PKIB: variants seen among roughly 807,000 people sequenced by gnomAD.
PKIB encodes cAMP-dependent protein kinase inhibitor beta.
PKIB carries 2 observed loss-of-function variants against 4.5 expected under a neutral mutation model. The observed-to-expected ratio is 0.44, with a 90% CI of 0.18 to 1.39. The LOEUF is 1.39. Ranked by LOEUF, PKIB falls within the 40% of genes most tolerant of loss-of-function variation. PKIB has a pLI of 0.27. For missense variants in PKIB, 94 were observed against 92.6 expected, an observed-to-expected ratio of 1.02 and a Z score of -0.06; for synonymous variants, 38 against 36.0, an observed-to-expected ratio of 1.06 and a Z score of -0.20.
At chr6:122,673,804 G>GC (rs1777558599) in intron 2 of PKIB, among the ~76,000 whole-genome samples, 1 of 152,194 alleles carries the variant, frequency 6.6e-6, no homozygotes, top group South Asian at 2.1e-4. Context: ...AAAAAAATGT[G>GC]TTTGCAGCAG....
chr6:122,585,168 G>A lies in PKIB; in HGVS notation c.-247-753G>A, dbSNP rs547623152. Among the ~76,000 whole-genome samples the A allele has an allele frequency of 3.7e-4, 57 of 152,208 alleles. 1 individual carries two copies. The South Asian group carries it at 9.7e-3, about 26-fold the overall frequency. ...AGCACCTCCGCTGCTGCTGTATGCT[G>A]TCACTTCAATAAAAGTTGATGTCTA... On this transcript the variant is annotated intron_variant, in intron 2 of 6. Transcript: ENST00000392491.
In PKIB at chr6:122,490,570, G is replaced by T. The variant is rs149988931; in HGVS notation, c.-248+12631G>T. On this transcript the variant is annotated intron_variant, in intron 2 of 6. Coordinates refer to the PKIB transcript ENST00000392491. ...TCCTTTCAGTTCACACAGAGATCTG[G>T]TTGTTTTGAATCTGGGACCTCTCCC... 1.1e-3 allele frequency among the ~76,000 whole-genome samples: 160 copies of T among 152,126 alleles called. 1 individual carries two copies. The Middle Eastern group carries it at 0.017, about 16-fold the overall frequency.
rs61025863 is a variant in PKIB at position 122,551,874 on chromosome 6, CTTTTTTTT to C, written c.-247-34029_-247-34022del. On this transcript the variant is annotated intron_variant, in intron 2 of 6. Coordinates refer to the PKIB transcript ENST00000392491. ...GGAAGGAATCTTTGACTTAGTACAT[CTTTTTTTT>C]TTTTTTTTTTTTTTTTTACAACAAA... Among the ~76,000 whole-genome samples the C allele has an allele frequency of 8.0e-5, 7 of 87,514 alleles. 1 individual carries two copies. The highest frequency in any genetic ancestry group is 2.1e-4 in the African/African-American group (5 of 23,518). The allele number at this position is 87,514 out of a possible 152,430, so 57.4% of individuals were successfully genotyped here. A position where few individuals can be genotyped will look rare whatever the true frequency, so the allele number is the denominator to read the frequency against.
At chr6:122,661,473 C>T (rs951861066) in intron 2 of PKIB, among the ~76,000 whole-genome samples, 2 of 152,214 alleles carry the variant, frequency 1.3e-5, no homozygotes, top group African/African-American at 4.8e-5. Flanking sequence ...TGGTTCCTCT[C>T]ATTTAGCATA....
intron 2 of PKIB, among the ~76,000 whole-genome samples, chr6:122,507,875 ATGT>A (rs369777181): frequency 0.012 from 1,899 of 152,028 alleles, 44 homozygotes; most frequent in African/African-American, 0.044. Flanking sequence ...GTCCTGTTAA[ATGT>A]TGTTTAGTTG....
At chr6:122,542,150 A>T (rs1361885463) in intron 2 of PKIB, among the ~76,000 whole-genome samples, 5 of 151,832 alleles carry the variant, frequency 3.3e-5, no homozygotes, top group African/African-American at 1.2e-4. Flanking sequence ...AGCTCAGAGT[A>T]GTTTGATTGT....
chr6:122,509,028 C>A (rs956000819), intron 2 of PKIB, among the ~76,000 whole-genome samples: 1 of 152,080 alleles, frequency 6.6e-6, no homozygotes. Flanking sequence ...GGATTACAGG[C>A]GTGAGCCACC....
intron 2 of PKIB, among the ~76,000 whole-genome samples, chr6:122,641,372 C>T (rs1582767219): frequency 1.3e-5 from 2 of 151,926 alleles, no homozygotes; most frequent in Non-Finnish European, 1.5e-5. Flanking sequence ...GATAGCAGAA[C>T]GTTATTGCTA....
At chr6:122,638,535 C>T (rs1344737241) in intron 2 of PKIB, among the ~76,000 whole-genome samples, 2 of 152,212 alleles carry the variant, frequency 1.3e-5, no homozygotes, top group African/African-American at 4.8e-5. Context: ...CTAGCAGTCT[C>T]TCAGCTGACA....
At chr6:122,521,286 C>T (rs768428968) in intron 2 of PKIB, among the ~76,000 whole-genome samples, 13 of 152,272 alleles carry the variant, frequency 8.5e-5, no homozygotes, top group Middle Eastern at 3.4e-3. Context: ...CTTGGTCCAA[C>T]CACTGAGTTT....
At chr6:122,602,496 G>T (rs1774400322) in intron 3 of PKIB, among the ~76,000 whole-genome samples, 1 of 152,136 alleles carries the variant, frequency 6.6e-6, no homozygotes, top group South Asian at 2.1e-4. Context: ...TACAACTTTT[G>T]TTGTTATTTA....
chr6:122,566,305 C>A (rs1428697689), intron 2 of PKIB, among the ~76,000 whole-genome samples: 1 of 152,122 alleles, frequency 6.6e-6, no homozygotes, highest in African/African-American at 2.4e-5. Context: ...TATAGTCTGA[C>A]CACAGTTCCA....
chr6:122,475,762 G>A (rs778542672), intron 1 of PKIB, among the ~76,000 whole-genome samples: 3 of 152,010 alleles, frequency 2.0e-5, no homozygotes, highest in Non-Finnish European at 4.4e-5. Context: ...CTCCAGCCTG[G>A]GTGACAGAGT....
chr6:122,704,076 A>G (rs943302616), intron 3 of PKIB, among the ~76,000 whole-genome samples: 1 of 151,944 alleles, frequency 6.6e-6, no homozygotes, highest in Non-Finnish European at 1.5e-5. Context: ...TTCAAGTCTG[A>G]TAACCGGGAG....
At chr6:122,482,626 C>A (rs1775656432) in intron 2 of PKIB, 1 of 145,664 alleles carries the variant, frequency 6.9e-6, no homozygotes. Flanking sequence ...TCTCAGCTCA[C>A]TGCAGCCTCC....
chr6:122,647,646 A>C (rs144074988), intron 2 of PKIB, among the ~76,000 whole-genome samples: 1 of 152,350 alleles, frequency 6.6e-6, no homozygotes, highest in African/African-American at 2.4e-5. Context: ...AAAGTTAGCT[A>C]TTATGAATAT....
At chr6:122,606,199 G>A (rs1774529575), upstream of PKIB, among the ~76,000 whole-genome samples, 1 of 152,212 alleles carries the variant, frequency 6.6e-6, no homozygotes, top group Admixed American at 6.5e-5. Context: ...GAAACATAGG[G>A]AAGATGTGAA....
At chr6:122,557,425 T>C (rs1465346127) in intron 2 of PKIB, among the ~76,000 whole-genome samples, 2 of 152,214 alleles carry the variant, frequency 1.3e-5, no homozygotes, top group African/African-American at 4.8e-5. Flanking sequence ...TTTTGGATTG[T>C]TCTGTGTCAA....
At chr6:122,588,006 G>A (rs1482021948) in intron 3 of PKIB, among the ~76,000 whole-genome samples, 1 of 152,118 alleles carries the variant, frequency 6.6e-6, no homozygotes, top group Non-Finnish European at 1.5e-5. Context: ...TTCTTTTGCT[G>A]TGCAGAAGCT....
Sources: allele counts gnomAD v4.1 joint callset (sites outside exome capture counted in the v4.1 genomes callset), GRCh38; gene constraint gnomAD v4.1.1; transcripts MANE v1.5; gene names NCBI Gene and HGNC (gene_info 2026-07-23, HGNC 2026-07-21).